Variants in CNTN5 observed in about 807,000 individuals in gnomAD.
The protein encoded by CNTN5 is contactin-5.
A neutral mutation model predicts 129.1 loss-of-function variants in CNTN5; 77 were observed. That is an observed-to-expected ratio of 0.60 (90% CI 0.50 to 0.72). CNTN5 has a LOEUF of 0.72. Ranked by LOEUF, CNTN5 falls within the 30% of genes least tolerant of loss-of-function variation. The probability of loss-of-function intolerance (pLI) is 0.00; values close to 1 mark genes in which losing one functional copy is unlikely to be tolerated. For synonymous variants in CNTN5, 509 were observed against 465.6 expected (o/e 1.09, Z -1.20); for missense variants, 1,478 against 1,328.8 (o/e 1.11, Z -1.75).
chr11:99,458,737 G>C (rs1016429751), intron 2 of CNTN5, among the ~76,000 whole-genome samples: 3 of 151,998 alleles, frequency 2.0e-5, no homozygotes, highest in Non-Finnish European at 2.9e-5. Flanking sequence ...CCTTGGTATA[G>C]TGAGTCATTT....
At chr11:99,790,800 C>G (rs983541748) in intron 3 of CNTN5, among the ~76,000 whole-genome samples, 11 of 152,014 alleles carry the variant, frequency 7.2e-5, no homozygotes, top group Admixed American at 5.3e-4. Flanking sequence ...AACATATAAG[C>G]CATCCCTTTT....
chr11:99,624,547 C>T (rs533150638), intron 3 of CNTN5, among the ~76,000 whole-genome samples: 82 of 152,182 alleles, frequency 5.4e-4, no homozygotes, highest in African/African-American at 1.9e-3. Flanking sequence ...AGAAAAATAA[C>T]AATTTTTGAC....
chr11:100,217,730 C>T (rs563485778), intron 15 of CNTN5, among the ~76,000 whole-genome samples: 1 of 152,248 alleles, frequency 6.6e-6, no homozygotes, highest in South Asian at 2.1e-4. Flanking sequence ...ATCTTCTTAC[C>T]TACCAGCGTT....
chr11:100,023,511 A>G (rs1190260256), intron 9 of CNTN5, among the ~76,000 whole-genome samples: 1 of 152,210 alleles, frequency 6.6e-6, no homozygotes, highest in Non-Finnish European at 1.5e-5. Context: ...ACATATTATT[A>G]TCACACACAG....
chr11:99,379,447 A>T (rs11219681), intron 2 of CNTN5, among the ~76,000 whole-genome samples: 33,358 of 151,962 alleles, frequency 0.22, 3,653 homozygotes, highest in South Asian at 0.32. Context: ...TGACAAATCA[A>T]ATTAGAGTTT....
intron 16 of CNTN5, among the ~76,000 whole-genome samples, chr11:100,238,572 A>AAG (rs1302573598): frequency 6.6e-6 from 1 of 151,834 alleles, no homozygotes. Flanking sequence ...GAGGAGGAAG[A>AAG]AAGAGGAGAG....
chr11:99,769,912 A>C (rs932217079), intron 3 of CNTN5, among the ~76,000 whole-genome samples: 8 of 152,170 alleles, frequency 5.3e-5, no homozygotes, highest in African/African-American at 1.9e-4. Context: ...CTTGTCAACT[A>C]TTGCAATGCA....
chr11:100,011,758 A>G (rs1227256720), intron 9 of CNTN5, among the ~76,000 whole-genome samples: 1 of 152,176 alleles, frequency 6.6e-6, no homozygotes, highest in Non-Finnish European at 1.5e-5. Context: ...TACTGTAAAT[A>G]AAAAGCCACT....
intron 6 of CNTN5, among the ~76,000 whole-genome samples, chr11:99,880,904 T>C (rs1402579603): frequency 5.9e-5 from 9 of 152,176 alleles, no homozygotes; most frequent in Admixed American, 5.9e-4. Flanking sequence ...TTTTTTAATA[T>C]TTAAAAAAAT....
rs184783175 is a variant in CNTN5 at position 99,971,468 on chromosome 11, G to A, written c.877+14459G>A. ...TGAGGCAGGAAAATCGCTTGAACCCGAGAGGCGGAGGTTGCAGTGAGCTGA... is the reference window on the plus strand; with the variant it reads ...TGAGGCAGGAAAATCGCTTGAACCCAAGAGGCGGAGGTTGCAGTGAGCTGA... On this transcript the variant is annotated intron_variant, in intron 8 of 24. Transcript: ENST00000524871. Among the ~76,000 whole-genome samples the A allele has an allele frequency of 9.7e-4, 148 of 151,948 alleles. 5 individuals are homozygous for A. Among genetic ancestry groups the A allele is most frequent in the African/African-American group, 3.2e-3 (132 of 41,330 alleles).
chr11:100,289,648 A>G (rs1056417582), intron 18 of CNTN5, among the ~76,000 whole-genome samples: 12 of 151,986 alleles, frequency 7.9e-5, no homozygotes, highest in African/African-American at 2.7e-4. Flanking sequence ...CCCACAGCCA[A>G]TATCATACCG....
chr11:100,325,228 A>G (rs1163641580), intron 21 of CNTN5, among the ~76,000 whole-genome samples: 1 of 152,174 alleles, frequency 6.6e-6, no homozygotes, highest in African/African-American at 2.4e-5. Context: ...CACTAACAGG[A>G]AAAAGGTCAT....
chr11:99,245,738 G>T (rs1315681918), intron 1 of CNTN5, among the ~76,000 whole-genome samples: 1 of 152,116 alleles, frequency 6.6e-6, no homozygotes, highest in Admixed American at 6.6e-5. Context: ...GTCATCTAAC[G>T]CTGGCATTGT....
At position 99,953,785 on chromosome 11, in the gene CNTN5, T is replaced by G. The variant is rs1055161263; in HGVS notation, c.674-3021T>G. Among the ~76,000 whole-genome samples, 4 of 152,160 alleles carry G rather than the reference T, an allele frequency of 2.6e-5. No homozygotes were observed. The East Asian group carries it at 7.7e-4, about 29-fold the overall frequency. On this transcript the variant is annotated intron_variant, in intron 7 of 24. Coordinates refer to ENST00000524871, the MANE Select transcript of CNTN5 (RefSeq NM_014361.4). ...TCCCCAATGAGAAACCAAAAGCCTATGCAGCACATGTATTTGTGGCCCAAA... is the reference window on the plus strand; with the variant it reads ...TCCCCAATGAGAAACCAAAAGCCTAGGCAGCACATGTATTTGTGGCCCAAA...
chr11:99,106,937 A>T (rs1867025328), intron 1 of CNTN5, among the ~76,000 whole-genome samples: 1 of 152,138 alleles, frequency 6.6e-6, no homozygotes, highest in African/African-American at 2.4e-5. Flanking sequence ...CATTAACAGT[A>T]CAAGACTAAT....
chr11:99,356,846 T>C (rs1938708271), intron 2 of CNTN5, among the ~76,000 whole-genome samples: 1 of 152,188 alleles, frequency 6.6e-6, no homozygotes, highest in Non-Finnish European at 1.5e-5. Context: ...AATAATTAGG[T>C]TCTGTATTTG....
At chr11:99,043,218 T>C (rs1045015272) in intron 1 of CNTN5, among the ~76,000 whole-genome samples, 1 of 152,174 alleles carries the variant, frequency 6.6e-6, no homozygotes, top group African/African-American at 2.4e-5. Context: ...CATTAGTTTA[T>C]CATATTAGAA....
rs1170993242 is a variant in CNTN5, at chr11:100,297,256, G to T, written c.2315-369G>T. Among the ~76,000 whole-genome samples, 4 of 151,402 alleles carry T rather than the reference G, an allele frequency of 2.6e-5. No homozygotes were observed. The East Asian group carries it at 7.8e-4, about 29-fold the overall frequency. ...ATCTTGACCTGTGGATTTTTCAGTG[G>T]CTCTGCAAGCCCCGGGATAACAAAA... On this transcript the variant is annotated intron_variant, in intron 18 of 24. Coordinates refer to ENST00000524871, the MANE Select transcript of CNTN5 (RefSeq NM_014361.4).
chr11:99,741,728 G>T (rs1185878961), intron 3 of CNTN5, among the ~76,000 whole-genome samples: 2 of 151,842 alleles, frequency 1.3e-5, no homozygotes, highest in Admixed American at 1.3e-4. Context: ...TCTACTAATT[G>T]TTTTACTCAA....
Sources: allele counts gnomAD v4.1 joint callset (sites outside exome capture counted in the v4.1 genomes callset), GRCh38; gene constraint gnomAD v4.1.1; transcripts MANE v1.5; gene names NCBI Gene and HGNC (gene_info 2026-07-23, HGNC 2026-07-21).